Variants in SNX29 observed in about 807,000 individuals in gnomAD.
SNX29 encodes the protein sorting nexin 29, also known as sorting nexin-29.
In SNX29, 78 loss-of-function variants were observed where a neutral mutation model predicts 102.1. That is an observed-to-expected ratio of 0.76 (90% CI 0.64 to 0.92). The LOEUF (loss-of-function observed/expected upper bound fraction) is 0.92. Ranked by LOEUF, SNX29 falls within the 40% of genes least tolerant of loss-of-function variation. The probability of loss-of-function intolerance (pLI) is 0.00; values close to 1 mark genes in which losing one functional copy is unlikely to be tolerated. For missense variants in SNX29, 1,280 were observed against 1,061.7 expected (o/e 1.21, Z -2.86); for synonymous variants, 580 against 414.5 (o/e 1.40, Z -4.85).
intron 1 of SNX29, among the ~76,000 whole-genome samples, chr16:11,996,938 G>C (rs1382195281): frequency 6.6e-6 from 1 of 152,174 alleles, no homozygotes; most frequent in African/African-American, 2.4e-5. Context: ...TTTTTGAAGA[G>C]TCAGTTGTTT....
chr16:12,003,743 A>G (rs926533099), intron 3 of SNX29, among the ~76,000 whole-genome samples: 6 of 152,222 alleles, frequency 3.9e-5, no homozygotes, highest in South Asian at 2.1e-4. Flanking sequence ...GCGGTGGCTC[A>G]TGCCAATAAT....
At chr16:12,234,035 C>T (rs2077849053) in intron 14 of SNX29, among the ~76,000 whole-genome samples, 1 of 152,140 alleles carries the variant, frequency 6.6e-6, no homozygotes, top group African/African-American at 2.4e-5. Flanking sequence ...CACTTTTTGG[C>T]TGTGATAAAT....
intron 14 of SNX29, among the ~76,000 whole-genome samples, chr16:12,210,480 C>T (rs2077154925): frequency 6.6e-6 from 1 of 151,818 alleles, no homozygotes; most frequent in African/African-American, 2.4e-5. Flanking sequence ...TGGTGTCCAC[C>T]ATCACTCTCG....
chr16:12,155,869 C>T (rs2055526132), intron 13 of SNX29, among the ~76,000 whole-genome samples: 3 of 152,188 alleles, frequency 2.0e-5, no homozygotes, highest in Non-Finnish European at 4.4e-5. Context: ...CTGGGCCCAT[C>T]CTCATGAGAT....
At chr16:12,496,618 CT>C (rs1300908614) in intron 19 of SNX29, among the ~76,000 whole-genome samples, 1 of 149,318 alleles carries the variant, frequency 6.7e-6, no homozygotes, top group Admixed American at 6.8e-5. Context: ...TCAAACAGTT[CT>C]CCTGCGTCAG....
chr16:12,348,840 T>C (rs191424731), intron 15 of SNX29, among the ~76,000 whole-genome samples: 2 of 152,264 alleles, frequency 1.3e-5, no homozygotes, highest in Admixed American at 1.3e-4. Context: ...GTAACACCAC[T>C]CACCTCCCAG....
chr16:12,002,675 C>G (rs994380525), intron 2 of SNX29, among the ~76,000 whole-genome samples: 11 of 152,250 alleles, frequency 7.2e-5, no homozygotes, highest in Non-Finnish European at 1.2e-4. Context: ...CAGCTGCCGA[C>G]AGGCAGGAGC....
At chr16:12,185,907 G>C (rs1596459565) in intron 13 of SNX29, among the ~76,000 whole-genome samples, 1 of 152,302 alleles carries the variant, frequency 6.6e-6, no homozygotes, top group East Asian at 1.9e-4. Context: ...GTACCTCCTT[G>C]TTCCCAAATG....
intron 20 of SNX29, among the ~76,000 whole-genome samples, chr16:12,545,988 T>G (rs1249497984): frequency 1.3e-5 from 2 of 152,142 alleles, no homozygotes; most frequent in African/African-American, 4.8e-5. Context: ...GCACTGTAGT[T>G]TGAACACCTG....
Position 12,524,724 on chromosome 16 carries a change from G to A in SNX29, c.2201G>A (p.Arg734Gln), listed in dbSNP as rs767113380. Residue 734 changes from arginine to glutamine, a missense_variant, in exon 20 of 21, where the codon CGG (arginine) becomes CAG (glutamine). Coordinates refer to ENST00000566228, the MANE Select transcript of SNX29 (RefSeq NM_032167.5). ...GNKDAKFVEE[R>Q]RKQLQNYLRS... ...CAGGATGCCAAGTTTGTGGAGGAACGGAGAAAGCAGCTCCAGAATTACCTG... is the reference window on the plus strand; with the variant it reads ...CAGGATGCCAAGTTTGTGGAGGAACAGAGAAAGCAGCTCCAGAATTACCTG... The A allele has an allele frequency of 4.3e-6, 7 of 1,613,512 alleles. No individual in the cohort carries two copies. The highest frequency in any genetic ancestry group is 1.3e-5 in the African/African-American group (1 of 74,930).
In SNX29 at chr16:12,273,706, A is replaced by T. The variant is rs137920219; in HGVS notation, c.1679-4227A>T. ...ATTGTGCAACCATCGCCACTCTCTAATTCCAGAACATTTTTGTCATGCCCC... is the reference window on the plus strand; with the variant it reads ...ATTGTGCAACCATCGCCACTCTCTATTTCCAGAACATTTTTGTCATGCCCC... On this transcript the variant is annotated intron_variant, in intron 14 of 20. Transcript: ENST00000566228. Among the ~76,000 whole-genome samples the T allele has an allele frequency of 3.7e-3, 563 of 152,200 alleles. 4 individuals carry two copies. The highest frequency in any genetic ancestry group is 0.013 in the African/African-American group (536 of 41,544).
intron 20 of SNX29, among the ~76,000 whole-genome samples, chr16:12,563,177 A>T (rs979922922): frequency 2.8e-5 from 4 of 142,266 alleles, no homozygotes; most frequent in East Asian, 4.1e-4. Context: ...GGGCTCAGGG[A>T]TGTCACTTCC....
In SNX29 at chr16:12,570,504, G is replaced by GGGT. The variant is rs1018576546; in HGVS notation, c.*1876_*1878dup. 2 of 232,940 alleles carry GGGT rather than the reference G, an allele frequency of 8.6e-6. No homozygotes were observed. Among genetic ancestry groups the GGGT allele is most frequent in the Non-Finnish European group, 1.7e-5 (2 of 117,932 alleles). The allele number at this position is 232,940 out of a possible 1,614,324, so 14.4% of individuals were successfully genotyped here. ...GCTGTATGTCATGACCCCTTAGGTT[G>GGGT]GGTTTATGCCACATCGGTCATTTTG... On this transcript the variant is annotated 3_prime_UTR_variant, in exon 21 of 21. Transcript: ENST00000566228.
chr16:12,538,667 A>C (rs966118721), intron 20 of SNX29, among the ~76,000 whole-genome samples: 2 of 152,248 alleles, frequency 1.3e-5, no homozygotes, highest in East Asian at 1.9e-4. Flanking sequence ...AGATCCACAG[A>C]TCTTTCATCC....
chr16:12,505,222 TGTCTTA>T (rs1374082626), intron 19 of SNX29, among the ~76,000 whole-genome samples: 1 of 152,210 alleles, frequency 6.6e-6, no homozygotes, highest in Admixed American at 6.5e-5. Flanking sequence ...GGTCATGTGG[TGTCTTA>T]GTCTGTTCAG....
At chr16:12,431,359 A>C (rs1478960239) in intron 18 of SNX29, among the ~76,000 whole-genome samples, 1 of 151,720 alleles carries the variant, frequency 6.6e-6, no homozygotes, top group East Asian at 1.9e-4. Context: ...TGAGGAGGAG[A>C]GTATTAGATT....
intron 18 of SNX29, among the ~76,000 whole-genome samples, chr16:12,437,495 A>G (rs888089861): frequency 3.3e-5 from 5 of 152,228 alleles, no homozygotes; most frequent in African/African-American, 1.2e-4. Context: ...AGGACAGGTG[A>G]CATCTGAACT....
Position 12,524,762 on chromosome 16 carries a change from A to G in SNX29, c.2239A>G (p.Asn747Asp). 6.2e-7 allele frequency: 1 copy of G among 1,613,772 alleles called. No individual in the cohort carries two copies. The highest frequency in any genetic ancestry group is 8.5e-7 in the Non-Finnish European group (1 of 1,179,832). The change falls in exon 20 of 21, where the codon AAC becomes GAC. Residue 747 changes from asparagine (N) to aspartate (D), a missense_variant. By Grantham distance (23) the Asn-to-Asp change is conservative (BLOSUM62 1). Coordinates refer to ENST00000566228, the MANE Select transcript of SNX29 (RefSeq NM_032167.5). Reference protein sequence around the residue: ...QLQNYLRSVMNKVIQMVPEFA... With the variant: ...QLQNYLRSVMDKVIQMVPEFA... ...CCAGAATTACCTGCGCAGCGTCATGAACAAAGTCATCCAGATGGTCCCCGA... is the reference window on the plus strand; with the variant it reads ...CCAGAATTACCTGCGCAGCGTCATGGACAAAGTCATCCAGATGGTCCCCGA...
chr16:12,556,817 G>A (rs2078382199), intron 20 of SNX29, among the ~76,000 whole-genome samples: 1 of 152,036 alleles, frequency 6.6e-6, no homozygotes, highest in Admixed American at 6.6e-5. Context: ...AAGTACAGAA[G>A]CCCAGAGGAG....
Sources: gnomAD v4.1 joint callset for allele counts (sites outside exome capture counted in the v4.1 genomes callset) on GRCh38, gnomAD v4.1.1 for gene constraint, MANE v1.5 for transcripts, NCBI Gene and HGNC (gene_info 2026-07-23, HGNC 2026-07-21) for gene names.